WDR17: variants seen among roughly 807,000 people sequenced by gnomAD.
WDR17 encodes the protein WD repeat-containing protein 17.
A neutral mutation model predicts 161.7 loss-of-function variants in WDR17; 143 were observed. That is an observed-to-expected ratio of 0.88 (90% CI 0.77 to 1.02). The LOEUF is 1.02. WDR17 is among the 50% of genes least tolerant of loss of function. WDR17 has a pLI of 0.00. For synonymous variants in WDR17, 517 were observed against 515.6 expected (o/e 1.00, Z -0.04); for missense variants, 1,469 against 1,520.9 (o/e 0.97, Z 0.57).
chr4:176,081,933 A>T (rs888757161), intron 1 of WDR17, among the ~76,000 whole-genome samples: 10 of 152,136 alleles, frequency 6.6e-5, no homozygotes, highest in Non-Finnish European at 1.5e-4. Flanking sequence ...CACCTGTACC[A>T]AAAGAATGTG....
rs946465434 is a variant in WDR17 at position 176,125,156 on chromosome 4, T to G, written c.591T>G (p.Asp197Glu). 1 of 1,614,188 alleles carries G rather than the reference T, an allele frequency of 6.2e-7. No individual in the cohort carries two copies. Residue 197 changes from aspartate (D) to glutamate (E), a missense_variant, in exon 5 of 29, where the codon GAT (aspartate) becomes GAG (glutamate). Physicochemically the swap from Asp to Glu is conservative, Grantham distance 45. Coordinates refer to ENST00000508596, the MANE Select transcript of WDR17 (RefSeq NM_181265.4). Reference sequence around the variant, plus strand: ...GACCAGAATCTCTTGAAGGGACAGATGAAGAGGATCCAGTTACGGCCTTGG... The same window carrying G: ...GACCAGAATCTCTTGAAGGGACAGAGGAAGAGGATCCAGTTACGGCCTTGG... ...VLRPESLEGTDEEDPVTALEW... is the reference protein window; with the variant it reads ...VLRPESLEGTEEEDPVTALEW...
Position 176,139,943 on chromosome 4 carries a change from A to G in WDR17, c.1411A>G (p.Arg471Gly). Reference sequence around the variant, plus strand: ...TGCCTGGAGTCATAAAGATTCTAAAAGAATAGCAACCTGCAGCAGTGATGG... The same window carrying G: ...TGCCTGGAGTCATAAAGATTCTAAAGGAATAGCAACCTGCAGCAGTGATGG... ...CIAWSHKDSK[R>G]IATCSSDGFC... Residue 471 changes from arginine to glycine, a missense_variant, in exon 10 of 29, where the codon AGA (arginine) becomes GGA (glycine). By Grantham distance (125) the Arg-to-Gly change is moderately radical. Coordinates refer to ENST00000508596, the MANE Select transcript of WDR17 (RefSeq NM_181265.4). 2 of 1,612,200 alleles carry G rather than the reference A, an allele frequency of 1.2e-6. No homozygotes were observed. Among genetic ancestry groups the G allele is most frequent in the South Asian group, 2.2e-5 (2 of 90,892 alleles).
intron 2 of WDR17, among the ~76,000 whole-genome samples, chr4:176,114,375 G>C (rs1740258384): frequency 6.6e-6 from 1 of 151,956 alleles, no homozygotes; most frequent in Non-Finnish European, 1.5e-5. Context: ...TGAAGTTATA[G>C]GAAGAGAGAG....
chr4:176,080,819 T>C (rs910069799), intron 1 of WDR17, among the ~76,000 whole-genome samples: 1 of 152,126 alleles, frequency 6.6e-6, no homozygotes, highest in African/African-American at 2.4e-5. Context: ...CAGACTCCTT[T>C]TTCTTTCCTG....
chr4:176,085,813 T>A (rs1044245673), intron 1 of WDR17, among the ~76,000 whole-genome samples: 26 of 152,016 alleles, frequency 1.7e-4, no homozygotes, highest in African/African-American at 6.3e-4. Context: ...TTGGAATGAT[T>A]TCCTTTTCTA....
chr4:176,081,129 T>G (rs1016996631), intron 1 of WDR17, among the ~76,000 whole-genome samples: 1 of 152,088 alleles, frequency 6.6e-6, no homozygotes, highest in African/African-American at 2.4e-5. Context: ...TTATACATGT[T>G]TTGCTACCCT....
intron 9 of WDR17, among the ~76,000 whole-genome samples, 171 bp downstream of exon 9, chr4:176,137,782 A>G (rs1026341037): frequency 2.6e-5 from 4 of 151,672 alleles, no homozygotes; most frequent in African/African-American, 9.7e-5. Flanking sequence ...ATGAATTCTG[A>G]AAATTGTAGC....
intron 1 of WDR17, among the ~76,000 whole-genome samples, chr4:176,100,769 A>T (rs1737693238): frequency 6.6e-6 from 1 of 151,820 alleles, no homozygotes; most frequent in South Asian, 2.1e-4. Flanking sequence ...TAATATGGTG[A>T]TAGCTATGGG....
chr4:176,178,983 C>T (rs1047609232), intron 28 of WDR17, among the ~76,000 whole-genome samples: 7 of 151,990 alleles, frequency 4.6e-5, no homozygotes, highest in Non-Finnish European at 5.9e-5. Context: ...ATATTTTAAA[C>T]GATATATACA....
In WDR17 at chr4:176,115,905, G is replaced by T. The variant is rs1740544458; in HGVS notation, c.233G>T (p.Gly78Val). Reference protein sequence around the residue: ...CPHNPDLFASGSTDNLVIIWN... With the variant: ...CPHNPDLFASVSTDNLVIIWN... ...CATAATCCTGATCTGTTTGCAAGTG[G>T]CAGTACTGATAATTTAGTGATCATT... Residue 78 changes from glycine (G) to valine (V), a missense_variant, in exon 3 of 29, where the codon GGC becomes GTC. Transcript: ENST00000508596. 6.2e-7 allele frequency: 1 copy of T among 1,610,716 alleles called. No homozygotes were observed. Among genetic ancestry groups the T allele is most frequent in the Admixed American group, 1.7e-5 (1 of 59,642 alleles).
At chr4:176,097,038 T>G (rs1157269275) in intron 1 of WDR17, among the ~76,000 whole-genome samples, 1 of 151,934 alleles carries the variant, frequency 6.6e-6, no homozygotes, top group Non-Finnish European at 1.5e-5. Flanking sequence ...ATCTGATAAA[T>G]TTTTAGGCGG....
At chr4:176,075,541 A>T (rs1733847316) in intron 1 of WDR17, among the ~76,000 whole-genome samples, 1 of 152,168 alleles carries the variant, frequency 6.6e-6, no homozygotes, top group Non-Finnish European at 1.5e-5. Context: ...AATTACATTA[A>T]CTTCCATATT....
chr4:176,069,298 T>G (rs1732921691), intron 1 of WDR17, among the ~76,000 whole-genome samples: 1 of 151,996 alleles, frequency 6.6e-6, no homozygotes, highest in African/African-American at 2.4e-5. Flanking sequence ...TTATGTTAAA[T>G]GTACTTACAA....
At chr4:176,130,558 C>G (rs979834928) in intron 6 of WDR17, among the ~76,000 whole-genome samples, 1 of 151,674 alleles carries the variant, frequency 6.6e-6, no homozygotes, top group Non-Finnish European at 1.5e-5. Context: ...TCCTGGCTAA[C>G]ACAGTGAAAC....
At chr4:176,106,914 A>G (rs1470906306) in intron 1 of WDR17, among the ~76,000 whole-genome samples, 1 of 152,154 alleles carries the variant, frequency 6.6e-6, no homozygotes. Context: ...TCATGCCACT[A>G]CACTCCGGAA....
chr4:176,131,450 A>G, intron 6 of WDR17, 104 bp from the exon 7 acceptor site: 1 of 1,155,938 alleles, frequency 8.7e-7, no homozygotes, highest in South Asian at 1.7e-5. Flanking sequence ...CATTGCCTAA[A>G]TGGTTTACTG....
chr4:176,180,663 C>G lies in WDR17; in HGVS notation c.*1084C>G, dbSNP rs554635519. 4.3e-4 allele frequency: 65 copies of G among 152,246 alleles called. No individual in the cohort carries two copies. The highest frequency in any genetic ancestry group is 1.5e-3 in the African/African-American group (64 of 41,538). The allele number at this position is 152,246 out of a possible 1,614,324, so 9.4% of individuals were successfully genotyped here. A position where few individuals can be genotyped will look rare whatever the true frequency, so the allele number is the denominator to read the frequency against. ...GGCAGAGGTTCCAGTGAGCCAAGATCGCACCACTGCACTCCAGCCTGGGCA... is the reference window on the plus strand; with the variant it reads ...GGCAGAGGTTCCAGTGAGCCAAGATGGCACCACTGCACTCCAGCCTGGGCA... On this transcript the variant is annotated 3_prime_UTR_variant, in exon 29 of 29. Coordinates refer to ENST00000508596, the MANE Select transcript of WDR17 (RefSeq NM_181265.4).
chr4:176,149,994 A>G (rs761864151), intron 14 of WDR17, 38 bp downstream of exon 14: 4 of 1,609,794 alleles, frequency 2.5e-6, no homozygotes, highest in Non-Finnish European at 3.4e-6. Context: ...TTATTTCTAA[A>G]TAAGTTTTAT....
chr4:176,091,986 C>G (rs986710805), intron 1 of WDR17, among the ~76,000 whole-genome samples: 9 of 152,052 alleles, frequency 5.9e-5, no homozygotes, highest in African/African-American at 2.2e-4. Context: ...ATTCAGGGCA[C>G]AATGGCTTTA....
Sources: gnomAD v4.1 joint callset for allele counts (sites outside exome capture counted in the v4.1 genomes callset) on GRCh38, gnomAD v4.1.1 for gene constraint, MANE v1.5 for transcripts, NCBI Gene and HGNC (gene_info 2026-07-23, HGNC 2026-07-21) for gene names.